ALDH1L1: variants seen among roughly 807,000 people sequenced by gnomAD.
The protein encoded by ALDH1L1 is aldehyde dehydrogenase 1 family member L1.
Under a neutral mutation model 101.1 loss-of-function variants are expected in ALDH1L1, and 68 were observed. The ratio of observed to expected loss-of-function variants is 0.67; its 90% CI spans 0.55 to 0.82. The LOEUF (loss-of-function observed/expected upper bound fraction) is 0.82. ALDH1L1 is among the 40% of genes least tolerant of loss of function. The probability of loss-of-function intolerance (pLI) is 0.00; values close to 1 mark genes in which losing one functional copy is unlikely to be tolerated. For synonymous variants in ALDH1L1, 486 were observed against 470.8 expected, an observed-to-expected ratio of 1.03 and a Z score of -0.42; for missense variants, 1,087 against 1,172.7, an observed-to-expected ratio of 0.93 and a Z score of 1.07.
chr3:126,111,083 T>C (rs544697100), intron 19 of ALDH1L1, among the ~76,000 whole-genome samples: 1 of 152,288 alleles, frequency 6.6e-6, no homozygotes, highest in South Asian at 2.1e-4. Context: ...AGTCCCTGGG[T>C]CTGTATCCTG....
intron 7 of ALDH1L1, chr3:126,152,381 T>G (rs548277927): frequency 6.6e-6 from 1 of 152,250 alleles, no homozygotes; most frequent in Non-Finnish European, 1.5e-5. Context: ...AATTTTTACC[T>G]TAGATGCTGC....
At chr3:126,167,267 G>C (rs1426137417) in intron 1 of ALDH1L1, among the ~76,000 whole-genome samples, 1 of 152,094 alleles carries the variant, frequency 6.6e-6, no homozygotes, top group Non-Finnish European at 1.5e-5. Context: ...AAAGGAACCA[G>C]GGCTTAGTGC....
At chr3:126,159,405 C>G (rs116643826) in intron 2 of ALDH1L1, 1 of 456,560 alleles carries the variant, frequency 2.2e-6, no homozygotes, top group Non-Finnish European at 4.4e-6. Flanking sequence ...TTCCTGCAGT[C>G]GCTGTCCCCA....
At chr3:126,117,356 A>G (rs1033741726) in intron 17 of ALDH1L1, among the ~76,000 whole-genome samples, 8 of 152,176 alleles carry the variant, frequency 5.3e-5, no homozygotes, top group African/African-American at 1.9e-4. Flanking sequence ...AAATCAATAT[A>G]AAAACTTAAT....
chr3:126,169,879 A>C (rs1309864240), intron 1 of ALDH1L1, among the ~76,000 whole-genome samples: 1 of 152,230 alleles, frequency 6.6e-6, no homozygotes, highest in East Asian at 1.9e-4. Flanking sequence ...ATTATGTTTC[A>C]AAAACTATAG....
intron 13 of ALDH1L1, among the ~76,000 whole-genome samples, chr3:126,131,058 C>T (rs1428147678): frequency 6.6e-6 from 1 of 152,224 alleles, no homozygotes; most frequent in African/African-American, 2.4e-5. Context: ...GAAGGACCTG[C>T]GGCCTCAGCC....
rs1945995024 is a variant in ALDH1L1, at chr3:126,109,267, T to TCCATCC, written c.2347+671_2347+676dup. Reference sequence around the variant, plus strand: ...TGTCCCCCAGCAGCAGCGTCAACGGTCCATCCCCGTGGCTGCTGCGCTTCT... The same window carrying TCCATCC: ...TGTCCCCCAGCAGCAGCGTCAACGGTCCATCCCCATCCCCGTGGCTGCTGCGCTTCT... On this transcript the variant is annotated intron_variant, in intron 20 of 22. Transcript: ENST00000393434. 2.0e-5 allele frequency among the ~76,000 whole-genome samples: 3 copies of TCCATCC among 152,264 alleles called. No individual in the cohort carries two copies. In the South Asian group the frequency reaches 6.2e-4, roughly 32 times the overall value.
intron 18 of ALDH1L1, 90 bp from the exon 19 acceptor site, chr3:126,112,970 A>AG: frequency 8.7e-7 from 1 of 1,150,236 alleles, no homozygotes; most frequent in Non-Finnish European, 1.3e-6. Flanking sequence ...TCTTCTAATT[A>AG]GGAAAGGAGG....
At chr3:126,138,200 C>T (rs1442708545) in intron 9 of ALDH1L1, among the ~76,000 whole-genome samples, 2 of 152,122 alleles carry the variant, frequency 1.3e-5, no homozygotes, top group African/African-American at 4.8e-5. Context: ...CTCCTCTAAG[C>T]CTTAATTTCT....
chr3:126,157,266 A>G, intron 4 of ALDH1L1, 77 bp downstream of exon 4: 1 of 1,487,108 alleles, frequency 6.7e-7, no homozygotes, highest in Non-Finnish European at 9.0e-7. Context: ...GGCCTCCAGG[A>G]GCGGTGGGCT....
intron 17 of ALDH1L1, chr3:126,115,457 G>C (rs2079942592): frequency 5.8e-6 from 1 of 171,884 alleles, no homozygotes; most frequent in Non-Finnish European, 1.3e-5. Context: ...TGCTGGGGCA[G>C]GAAGCTGCTC....
intron 9 of ALDH1L1, among the ~76,000 whole-genome samples, chr3:126,146,607 G>A (rs1432770427): frequency 6.6e-6 from 1 of 152,116 alleles, no homozygotes; most frequent in Non-Finnish European, 1.5e-5. Context: ...CTTCCCCAGA[G>A]AGGCTGCATG....
intron 1 of ALDH1L1, among the ~76,000 whole-genome samples, chr3:126,166,766 GA>G (rs1336553959): frequency 2.0e-5 from 3 of 150,412 alleles, no homozygotes; most frequent in African/African-American, 7.3e-5. Context: ...CCTTCACAGT[GA>G]AAAAAAAATC....
intron 2 of ALDH1L1, chr3:126,159,344 T>C: frequency 2.3e-6 from 1 of 434,914 alleles, no homozygotes; most frequent in South Asian, 1.7e-5. Context: ...AGCTCCCAAG[T>C]TTTTATAGTT....
intron 9 of ALDH1L1, among the ~76,000 whole-genome samples, chr3:126,146,357 G>T: frequency 6.6e-6 from 1 of 152,144 alleles, no homozygotes; most frequent in East Asian, 1.9e-4. Context: ...TGACCTGGCA[G>T]ATCCCGCCCT....
chr3:126,143,561 G>A (rs1218811553), intron 9 of ALDH1L1, among the ~76,000 whole-genome samples: 2 of 152,208 alleles, frequency 1.3e-5, no homozygotes, highest in East Asian at 3.8e-4. Context: ...TGTACTGGAA[G>A]TTCCATCCAA....
chr3:126,179,814 A>G (rs1410779429), intron 1 of ALDH1L1: 2 of 152,218 alleles, frequency 1.3e-5, no homozygotes, highest in Admixed American at 1.3e-4. Context: ...CTCCTAGGCA[A>G]GTGCCCGCGG....
rs531528565 is a variant in ALDH1L1, at chr3:126,133,188, G to A, written c.1473-1654C>T. On this transcript the variant is annotated intron_variant, in intron 12 of 22. Transcript: ENST00000393434. ...GTACGTTTTTAGCCACTTAGGGCCC[G>A]CTGCTTTGCATACCCAGAGGAACCT... Among the ~76,000 whole-genome samples the A allele has an allele frequency of 1.2e-4, 19 of 152,312 alleles. No individual in the cohort carries two copies. The South Asian group carries it at 3.7e-3, about 30-fold the overall frequency.
intron 1 of ALDH1L1, among the ~76,000 whole-genome samples, chr3:126,161,823 A>G (rs1204771726): frequency 6.6e-6 from 1 of 152,150 alleles, no homozygotes; most frequent in African/African-American, 2.4e-5. Flanking sequence ...CAAACACACC[A>G]CTGTCAACAC....
Sources: gnomAD v4.1 joint callset for allele counts (sites outside exome capture counted in the v4.1 genomes callset) on GRCh38, gnomAD v4.1.1 for gene constraint, MANE v1.5 for transcripts, NCBI Gene and HGNC (gene_info 2026-07-23, HGNC 2026-07-21) for gene names.